Variants in PHF20 observed in about 807,000 individuals in gnomAD.
PHF20 encodes glioma-expressed antigen 2.
PHF20 carries 23 observed loss-of-function variants against 113.5 expected under a neutral mutation model. The ratio of observed to expected loss-of-function variants is 0.20; its 90% CI spans 0.15 to 0.29. The LOEUF is 0.29. Among genes scored for constraint, PHF20 ranks in the 10% least tolerant of loss-of-function variants. PHF20 has a pLI of 1.00. For missense variants in PHF20, 943 were observed against 1,219.6 expected, an observed-to-expected ratio of 0.77 and a Z score of 3.38; for synonymous variants, 434 against 457.3, an observed-to-expected ratio of 0.95 and a Z score of 0.65.
At chr20:35,814,872 CA>C (rs761940820) in intron 2 of PHF20, among the ~76,000 whole-genome samples, 575 of 52,244 alleles carry the variant, frequency 0.011, 1 homozygote, top group Middle Eastern at 0.064. Context: ...GACTCCGTCT[CA>C]AAAAAAAAAA....
chr20:35,829,895 G>T (rs111633860), intron 2 of PHF20, among the ~76,000 whole-genome samples: 7,683 of 150,466 alleles, frequency 0.051, 246 homozygotes, highest in African/African-American at 0.1. Flanking sequence ...GAGCCACCAC[G>T]CCCAGCCCAA....
intron 4 of PHF20, chr20:35,855,555 T>C (rs1027377804): frequency 2.0e-5 from 3 of 153,206 alleles, no homozygotes; most frequent in African/African-American, 7.2e-5. Context: ...ATGAGTTACA[T>C]GAGATATCTT....
chr20:35,824,484 G>A (rs2042228295), intron 2 of PHF20, among the ~76,000 whole-genome samples: 1 of 151,994 alleles, frequency 6.6e-6, no homozygotes, highest in African/African-American at 2.4e-5. Context: ...GCATGTGCCT[G>A]TAGTCCCAGC....
At chr20:35,779,525 CT>C (rs11167277) in intron 1 of PHF20, among the ~76,000 whole-genome samples, 133,116 of 138,198 alleles carry the variant, frequency 0.96, 64,088 homozygotes, top group East Asian at 0.99. Context: ...TCCTTTCTTT[CT>C]TTTTTTTTTT....
At chr20:35,807,181 T>C (rs933959702) in intron 2 of PHF20, among the ~76,000 whole-genome samples, 20 of 152,186 alleles carry the variant, frequency 1.3e-4, no homozygotes, top group Admixed American at 2.0e-4. Flanking sequence ...TTGTATTTAA[T>C]TGGTATCTTG....
At chr20:35,873,292 G>A (rs2054456026) in intron 9 of PHF20, among the ~76,000 whole-genome samples, 1 of 151,428 alleles carries the variant, frequency 6.6e-6, no homozygotes, top group Non-Finnish European at 1.5e-5. Context: ...GTAGAGACAG[G>A]GTCTCTCCGT....
In PHF20 at chr20:35,938,903, C is replaced by G. The variant is rs1384096002; in HGVS notation, c.2507C>G (p.Thr836Ser). The G allele has an allele frequency of 1.9e-5, 30 of 1,614,088 alleles. No homozygotes were observed. Among genetic ancestry groups the G allele is most frequent in the Non-Finnish European group, 2.4e-5 (28 of 1,180,030 alleles). ...CGTTCTGTGGAGGAATCCTATATCA[C>G]CAGTGAGCATTGCTACCAGAAGCCC... Reference protein sequence around the residue: ...LPRSVEESYITSEHCYQKPRA... With the variant: ...LPRSVEESYISSEHCYQKPRA... Residue 836 changes from threonine to serine, a missense_variant, in exon 16 of 18, where the codon ACC becomes AGC. By Grantham distance (58) the Thr-to-Ser change is moderately conservative. Around this residue, in one of 3 missense-constraint regions of PHF20, gnomAD observed 349 missense variants for 412.3 expected, o/e 0.85. Coordinates refer to ENST00000374012, the MANE Select transcript of PHF20 (RefSeq NM_016436.5).
rs187650192 is a variant in PHF20, at chr20:35,864,582, A to T, written c.808+1182A>T. ...ACTTAATTTCTGTGGAAAAAAATTT[A>T]ACTTACTTCACATAAGTGTATTAGT... On this transcript the variant is annotated intron_variant, in intron 6 of 17. Transcript: ENST00000374012. Among the ~76,000 whole-genome samples the T allele has an allele frequency of 3.9e-5, 6 of 152,326 alleles. No individual in the cohort carries two copies. In the East Asian group the frequency reaches 9.6e-4, roughly 24 times the overall value.
chr20:35,795,707 A>G (rs988239178), intron 1 of PHF20, among the ~76,000 whole-genome samples: 1 of 152,130 alleles, frequency 6.6e-6, no homozygotes, highest in Non-Finnish European at 1.5e-5. Context: ...CTCAGGAGCT[A>G]CTGGACTGAG....
At chr20:35,867,392 TG>T (rs1227940344) in intron 6 of PHF20, among the ~76,000 whole-genome samples, 1 of 152,184 alleles carries the variant, frequency 6.6e-6, no homozygotes, top group Non-Finnish European at 1.5e-5. Flanking sequence ...CCCAAGTAGC[TG>T]GGACTACAGG....
chr20:35,946,197 A>G (rs1157128609), intron 17 of PHF20, among the ~76,000 whole-genome samples: 1 of 150,638 alleles, frequency 6.6e-6, no homozygotes, highest in Non-Finnish European at 1.5e-5. Context: ...GGCCAGGCCC[A>G]GTGGCTCATG....
chr20:35,852,914 C>CTT (rs780852616), intron 4 of PHF20, among the ~76,000 whole-genome samples: 14 of 141,950 alleles, frequency 9.9e-5, no homozygotes, highest in East Asian at 4.1e-4. Flanking sequence ...TCTTTTTTTC[C>CTT]TTTTTTTTTT....
intron 9 of PHF20, among the ~76,000 whole-genome samples, chr20:35,874,557 C>T (rs539452158): frequency 6.6e-6 from 1 of 152,058 alleles, no homozygotes; most frequent in East Asian, 1.9e-4. Flanking sequence ...AATCACAGCT[C>T]AGAGCAGCCT....
At chr20:35,850,052 G>T (rs2042691632) in intron 4 of PHF20, among the ~76,000 whole-genome samples, 1 of 152,138 alleles carries the variant, frequency 6.6e-6, no homozygotes, top group Non-Finnish European at 1.5e-5. Flanking sequence ...TTAGCACTCG[G>T]AAAATAGGGC....
chr20:35,899,400 T>C lies in PHF20; in HGVS notation c.1313T>C (p.Phe438Ser). Residue 438 changes from phenylalanine to serine, a missense_variant, in exon 10 of 18, where the codon TTT (phenylalanine) becomes TCT (serine). Phe to Ser is a radical substitution (Grantham distance 155). Coordinates refer to ENST00000374012, the MANE Select transcript of PHF20 (RefSeq NM_016436.5). ...VTNTFKKTDDFGSSNAPAVDL... is the reference protein window; with the variant it reads ...VTNTFKKTDDSGSSNAPAVDL... ...AATACTTTTAAGAAAACAGATGATT[T>C]TGGGTCATCTAATGCACCAGCTGTC... The C allele has an allele frequency of 6.2e-7, 1 of 1,611,516 alleles. No individual in the cohort carries two copies. The highest frequency in any genetic ancestry group is 8.5e-7 in the Non-Finnish European group (1 of 1,178,122).
chr20:35,808,245 T>C (rs2041918008), intron 2 of PHF20, among the ~76,000 whole-genome samples: 1 of 152,198 alleles, frequency 6.6e-6, no homozygotes, highest in African/African-American at 2.4e-5. Flanking sequence ...TCTTCCTTCC[T>C]TACTTTTTTT....
chr20:35,862,156 C>G (rs2146970762), intron 5 of PHF20, among the ~76,000 whole-genome samples: 1 of 152,256 alleles, frequency 6.6e-6, no homozygotes, highest in South Asian at 2.1e-4. Context: ...GACAAAAACT[C>G]CAAGTAGCTC....
At chr20:35,830,245 GTATC>G (rs2042336652) in intron 2 of PHF20, among the ~76,000 whole-genome samples, 2 of 152,210 alleles carry the variant, frequency 1.3e-5, no homozygotes, top group South Asian at 4.2e-4. Context: ...CTGAAACCCT[GTATC>G]TATTAATCAG....
At chr20:35,929,030 C>T (rs1413901106) in intron 14 of PHF20, among the ~76,000 whole-genome samples, 2 of 152,198 alleles carry the variant, frequency 1.3e-5, no homozygotes, top group African/African-American at 4.8e-5. Context: ...CCCATTACCA[C>T]TTGTAAGGTT....
Sources: allele counts gnomAD v4.1 joint callset (sites outside exome capture counted in the v4.1 genomes callset), GRCh38; gene constraint gnomAD v4.1.1; regional missense constraint gnomAD v4.1.1; transcripts MANE v1.5; gene names NCBI Gene and HGNC (gene_info 2026-07-23, HGNC 2026-07-21).